The following SPTB variants were observed in gnomAD, a reference collection of about 807,000 sequenced individuals.
SPTB encodes spectrin beta chain, erythrocytic.
SPTB carries 45 observed loss-of-function variants against 256.2 expected under a neutral mutation model. That is an observed-to-expected ratio of 0.18 (90% CI 0.14 to 0.23). SPTB has a LOEUF of 0.23. Among genes scored for constraint, SPTB ranks in the 10% least tolerant of loss-of-function variants. SPTB has a pLI of 1.00. For synonymous variants in SPTB, 1,231 were observed against 1,243.1 expected, an observed-to-expected ratio of 0.99 and a Z score of 0.21; for missense variants, 2,715 against 3,040.4, an observed-to-expected ratio of 0.89 and a Z score of 2.52.
chr14:64,793,133 G>C lies in SPTB; in HGVS notation c.2530C>G (p.Leu844Val). 6.2e-7 allele frequency: 1 copy of C among 1,614,116 alleles called. No individual in the cohort carries two copies. The highest frequency in any genetic ancestry group is 8.5e-7 in the Non-Finnish European group (1 of 1,180,048). ...VAQADLRQQR[L>V]QEALDLYTVF... ...GTGTACAGGTCCAGGGCTTCCTGCAGCCTCTGCTGACGCAGGTCCGCCTGG... is the reference window on the plus strand; with the variant it reads ...GTGTACAGGTCCAGGGCTTCCTGCACCCTCTGCTGACGCAGGTCCGCCTGG... Residue 844 changes from leucine (L) to valine (V), a missense_variant, in exon 14 of 36, where the codon CTG (leucine) becomes GTG (valine). By Grantham distance (32) the Leu-to-Val change is conservative (BLOSUM62 1). This residue lies in a region of SPTB where 2,239 missense variants were observed against 2,384.4 expected (regional missense o/e 0.94). Coordinates refer to ENST00000644917, the MANE Select transcript of SPTB (RefSeq NM_001355436.2). The surrounding 1 kb of genome is among the most constrained non-coding windows in gnomAD (Gnocchi z 7.0).
rs746295408 is a variant in SPTB at position 64,750,124 on chromosome 14, C to T, written c.6633G>A (p.Arg2211=). The change falls in exon 34 of 36, where the codon AGG becomes AGA. Residue 2211 remains arginine, a synonymous_variant. Coordinates refer to ENST00000644917, the MANE Select transcript of SPTB (RefSeq NM_001355436.2). ...CCTTGTAGAAGGTTAGCTCACTGTT[C>T]CTGAGCACACAGTACAGGTTGTTCC... The part of the protein sequence containing the change: ...RSWNNLYCVL[R]NSELTFYKDA... 2.5e-6 allele frequency: 4 copies of T among 1,613,996 alleles called. No homozygotes were observed. Among genetic ancestry groups the T allele is most frequent in the East Asian group, 2.2e-5 (1 of 44,892 alleles).
intron 1 of SPTB, among the ~76,000 whole-genome samples, chr14:64,865,162 T>C (rs1882090650): frequency 6.6e-6 from 1 of 151,988 alleles, no homozygotes; most frequent in African/African-American, 2.4e-5. Flanking sequence ...GAGAAAGCAT[T>C]CCCACCGTCT....
In SPTB at chr14:64,762,640, C is replaced by G. The variant is rs529071246; in HGVS notation, c.6345+4086G>C. On this transcript the variant is annotated intron_variant, in intron 32 of 35. Transcript: ENST00000644917. ...TCTCAGCTCCTACGTTCAGCCCTAG[C>G]GAGATACTCAGTCCCTTTCTCCAGG... Among the ~76,000 whole-genome samples the G allele has an allele frequency of 1.8e-4, 27 of 152,058 alleles. No individual in the cohort carries two copies. In the South Asian group the frequency reaches 5.2e-3, roughly 29 times the overall value.
At chr14:64,800,639 A>C in intron 8 of SPTB, 117 bp downstream of exon 8, 2 of 876,400 alleles carry the variant, frequency 2.3e-6, no homozygotes, top group Non-Finnish European at 3.8e-6. Context: ...CTTTAGAGGA[A>C]GTTGGGGGGT....
chr14:64,789,761 A>G (rs2082638265), intron 15 of SPTB, among the ~76,000 whole-genome samples: 1 of 152,198 alleles, frequency 6.6e-6, no homozygotes, highest in African/African-American at 2.4e-5. Context: ...AGAATGTAAG[A>G]TAGGATATGA....
chr14:64,800,658 TGTACTC>T, intron 8 of SPTB, 92 bp downstream of exon 8: 1 of 1,049,392 alleles, frequency 9.5e-7, no homozygotes, highest in African/African-American at 1.6e-5. Flanking sequence ...GTGGGTGAGC[TGTACTC>T]TTCACCCTTT....
In SPTB at chr14:64,760,339, T is replaced by C. The variant is rs892464006; in HGVS notation, c.6345+6387A>G. Among the ~76,000 whole-genome samples the C allele has an allele frequency of 1.3e-5, 2 of 151,836 alleles. No individual in the cohort carries two copies. The highest frequency in any genetic ancestry group is 4.8e-5 in the African/African-American group (2 of 41,290). ...TTCTCCGGGCCAAAGGAGGTGAAGGTGTATGTCCAGGCTCAACCAGCAGGT... is the reference window on the plus strand; with the variant it reads ...TTCTCCGGGCCAAAGGAGGTGAAGGCGTATGTCCAGGCTCAACCAGCAGGT... On this transcript the variant is annotated intron_variant, in intron 32 of 35. Transcript: ENST00000644917. The surrounding 1 kb of genome is among the most constrained non-coding windows in gnomAD (Gnocchi z 4.3).
In SPTB at chr14:64,785,052, T is replaced by C. The variant is rs1214047803; in HGVS notation, c.3855+485A>G. Among the ~76,000 whole-genome samples, 1 of 152,222 alleles carries C rather than the reference T, an allele frequency of 6.6e-6. No individual in the cohort carries two copies. Among genetic ancestry groups the C allele is most frequent in the East Asian group, 1.9e-4 (1 of 5,204 alleles). On this transcript the variant is annotated intron_variant, in intron 18 of 35. Transcript: ENST00000644917. This position sits in a 1 kb window ranked among gnomAD's most constrained non-coding sequence, Gnocchi z 4.4. Reference sequence around the variant, plus strand: ...TCTCACCCCGTAAAGTTCTGATTCATCTGGCCTGAGTGGGACCCAGGGGTC... The same window carrying C: ...TCTCACCCCGTAAAGTTCTGATTCACCTGGCCTGAGTGGGACCCAGGGGTC...
rs1566773112 is a variant in SPTB, at chr14:64,802,211, G to A, written c.566+15C>T. ...CTGGTGGTGGATGTGCTAACAGCTG[G>A]TTCCCAGGGCATACCCTGCCGTCTT... is the stretch of plus-strand genomic sequence containing the variant. On this transcript the variant is annotated intron_variant, in intron 5 of 35. Transcript: ENST00000644917. The surrounding 1 kb of genome is among the most constrained non-coding windows in gnomAD (Gnocchi z 5.1). 3 of 1,613,568 alleles carry A rather than the reference G, an allele frequency of 1.9e-6. No individual in the cohort carries two copies. Among genetic ancestry groups the A allele is most frequent in the South Asian group, 1.1e-5 (1 of 91,056 alleles).
At chr14:64,859,551 T>C (rs1311946095) in intron 1 of SPTB, among the ~76,000 whole-genome samples, 1 of 152,100 alleles carries the variant, frequency 6.6e-6, no homozygotes. Flanking sequence ...TTGAGACCAG[T>C]CTGGACAACA....
chr14:64,764,257 T>A lies in SPTB; in HGVS notation c.6345+2469A>T, dbSNP rs2082134286. Among the ~76,000 whole-genome samples the A allele has an allele frequency of 6.6e-6, 1 of 152,224 alleles. No individual in the cohort carries two copies. Among genetic ancestry groups the A allele is most frequent in the African/African-American group, 2.4e-5 (1 of 41,454 alleles). ...TGCAAGGAGCCTTCTAGAGCCAGGT[T>A]GGGCTTTCCCGACAGGCTCTGTCCT... On this transcript the variant is annotated intron_variant, in intron 32 of 35. Transcript: ENST00000644917. The surrounding 1 kb of genome is among the most constrained non-coding windows in gnomAD (Gnocchi z 4.2).
intron 15 of SPTB, among the ~76,000 whole-genome samples, chr14:64,789,317 A>C (rs1420800350): frequency 6.6e-6 from 1 of 152,166 alleles, no homozygotes; most frequent in Non-Finnish European, 1.5e-5. Context: ...GTACCACTGC[A>C]CTCCAGCCTG....
At chr14:64,822,370 T>TCACACACACACACA (rs2083305230) in intron 2 of SPTB, among the ~76,000 whole-genome samples, 10 of 1,468 alleles carry the variant, frequency 6.8e-3, no homozygotes, top group Non-Finnish European at 0.013. Context: ...TCTCTCTCTC[T>TCACACACACACACA]CTCTCACACA....
intron 2 of SPTB, among the ~76,000 whole-genome samples, chr14:64,819,984 G>A (rs1340636077): frequency 6.6e-6 from 1 of 152,124 alleles, no homozygotes; most frequent in Non-Finnish European, 1.5e-5. Flanking sequence ...CCTCCACTGC[G>A]GTGGCATTAG....
At position 64,783,536 on chromosome 14, in the gene SPTB, C is replaced by T. The variant is rs1432945769; in HGVS notation, c.4002+711G>A. On this transcript the variant is annotated intron_variant, in intron 19 of 35. Coordinates refer to ENST00000644917, the MANE Select transcript of SPTB (RefSeq NM_001355436.2). ...ATATTTATTGAGTGTCTCATAATTG[C>T]CAAGTACTATGCTAAATGTTTCATT... is the stretch of plus-strand genomic sequence containing the variant. Among the ~76,000 whole-genome samples the T allele has an allele frequency of 4.6e-5, 7 of 152,144 alleles. No individual in the cohort carries two copies. In the South Asian group the frequency reaches 8.3e-4, roughly 18 times the overall value.
In SPTB at chr14:64,794,005, G is replaced by A. The variant is rs2082723333; in HGVS notation, c.1796-138C>T. 22 of 707,198 alleles carry A rather than the reference G, an allele frequency of 3.1e-5. No homozygotes were observed. The South Asian group carries it at 4.1e-4, about 13-fold the overall frequency. The allele number at this position is 707,198 out of a possible 1,614,324, so 43.8% of individuals were successfully genotyped here. On this transcript the variant is annotated intron_variant, in intron 13 of 35. Transcript: ENST00000644917. ...GGGGCTTTGGGGTTGGATGCAGGGG[G>A]GTCCCAGTTGCTCAGAGGGTGGACA...
intron 32 of SPTB, 164 bp from the exon 33 acceptor site, chr14:64,753,957 A>G (rs1393401683): frequency 1.6e-5 from 14 of 866,908 alleles, no homozygotes; most frequent in African/African-American, 5.0e-5. Context: ...ACAACCTGCT[A>G]TGGGTGCCCC....
At position 64,772,663 on chromosome 14, in the gene SPTB, C is replaced by T. The variant is rs138157205; in HGVS notation, c.5470G>A (p.Val1824Met). 22 of 1,613,334 alleles carry T rather than the reference C, an allele frequency of 1.4e-5. No homozygotes were observed. In the African/African-American group the frequency reaches 1.9e-4, roughly 14 times the overall value. The change falls in exon 26 of 36, where the codon GTG becomes ATG. Residue 1824 changes from valine (V) to methionine (M), a missense_variant. This residue lies in a region of SPTB where 2,239 missense variants were observed against 2,384.4 expected (regional missense o/e 0.94). Transcript: ENST00000644917. The surrounding 1 kb of genome is among the most constrained non-coding windows in gnomAD (Gnocchi z 5.4). ...TCGGCCGTGCTGGCGTCCAGCCCCA[C>T]GTCCTCGGGCAGCTCGCGGTGCTTC... ...DEKHRELPED[V>M]GLDASTAESF...
At chr14:64,862,693 G>A (rs2139805567) in intron 1 of SPTB, among the ~76,000 whole-genome samples, 1 of 152,082 alleles carries the variant, frequency 6.6e-6, no homozygotes, top group African/African-American at 2.4e-5. Flanking sequence ...GGCCAACATG[G>A]TGAAACCCCG....
Sources: allele counts gnomAD v4.1 joint callset (sites outside exome capture counted in the v4.1 genomes callset), GRCh38; gene constraint gnomAD v4.1.1; regional missense constraint gnomAD v4.1.1; non-coding constraint Gnocchi (gnomAD v3.1); transcripts MANE v1.5; gene names NCBI Gene and HGNC (gene_info 2026-07-23, HGNC 2026-07-21).